The following SPON1 variants were observed in gnomAD, a reference collection of about 807,000 sequenced individuals.
SPON1 encodes spondin 1.
Under a neutral mutation model 111.7 loss-of-function variants are expected in SPON1, and 52 were observed. The observed-to-expected ratio is 0.47, with a 90% CI of 0.37 to 0.59. The LOEUF (loss-of-function observed/expected upper bound fraction) is 0.59. Ranked by LOEUF, SPON1 falls within the 20% of genes least tolerant of loss-of-function variation. The pLI is 0.00. For missense variants in SPON1, 957 were observed against 1,068.5 expected (o/e 0.90, Z 1.46); for synonymous variants, 410 against 395.8 (o/e 1.04, Z -0.43).
At chr11:14,239,392 C>T (rs1354849094) in intron 6 of SPON1, among the ~76,000 whole-genome samples, 1 of 152,184 alleles carries the variant, frequency 6.6e-6, no homozygotes, top group African/African-American at 2.4e-5. Flanking sequence ...TACCCTATTT[C>T]ACAGATGAGA....
chr11:14,159,918 A>G (rs1847890800), intron 6 of SPON1, among the ~76,000 whole-genome samples: 1 of 139,462 alleles, frequency 7.2e-6, no homozygotes, highest in African/African-American at 2.7e-5. Context: ...GGTGGGGGGG[A>G]TGGGGATGGT....
At chr11:14,069,217 G>A (rs1455985909) in intron 3 of SPON1, among the ~76,000 whole-genome samples, 1 of 152,124 alleles carries the variant, frequency 6.6e-6, no homozygotes, top group East Asian at 1.9e-4. Flanking sequence ...TTTCTCATCT[G>A]TAAAATAGGG....
intron 9 of SPON1, among the ~76,000 whole-genome samples, chr11:14,256,322 T>G (rs1459003228): frequency 6.6e-6 from 1 of 152,216 alleles, no homozygotes; most frequent in Admixed American, 6.5e-5. Flanking sequence ...AATGAACAAT[T>G]TGATCCAGGC....
At chr11:14,150,034 G>A (rs1554929749) in intron 6 of SPON1, among the ~76,000 whole-genome samples, 1 of 152,102 alleles carries the variant, frequency 6.6e-6, no homozygotes, top group African/African-American at 2.4e-5. Context: ...GTTTATTGCG[G>A]CATTATTCAC....
intron 5 of SPON1, among the ~76,000 whole-genome samples, chr11:14,088,674 G>A (rs1849026421): frequency 6.6e-6 from 1 of 151,894 alleles, no homozygotes; most frequent in Admixed American, 6.6e-5. Flanking sequence ...TTGAATGTTG[G>A]CCTGTCTTGC....
At chr11:14,120,028 G>A (rs1364377359) in intron 5 of SPON1, among the ~76,000 whole-genome samples, 5 of 152,074 alleles carry the variant, frequency 3.3e-5, no homozygotes, top group Non-Finnish European at 7.4e-5. Flanking sequence ...CCAACTTCTT[G>A]GAAAGTTAAA....
In SPON1 at chr11:14,160,782, T is replaced by A. The variant is rs1461129213; in HGVS notation, c.825+25214T>A. Among the ~76,000 whole-genome samples the A allele has an allele frequency of 3.3e-4, 13 of 38,882 alleles. 2 individuals carry two copies. The highest frequency in any genetic ancestry group is 4.0e-4 in the African/African-American group (4 of 10,100). 25.5% of individuals were successfully genotyped at this position (38,882 alleles called of 152,430 possible). Reference sequence around the variant, plus strand: ...TATATTTATATATTTATATATATTTTTATATATATTTATATATTTTTATAT... The same window carrying A: ...TATATTTATATATTTATATATATTTATATATATATTTATATATTTTTATAT... On this transcript the variant is annotated intron_variant, in intron 6 of 15. Coordinates refer to ENST00000576479, the MANE Select transcript of SPON1 (RefSeq NM_006108.4).
chr11:14,157,234 A>T (rs1177723037), intron 6 of SPON1, among the ~76,000 whole-genome samples: 1 of 152,108 alleles, frequency 6.6e-6, no homozygotes, highest in African/African-American at 2.4e-5. Flanking sequence ...CATTTTTTAG[A>T]ATTTGCAGGC....
At chr11:13,992,169 T>C (rs1307114566) in intron 2 of SPON1, among the ~76,000 whole-genome samples, 1 of 152,182 alleles carries the variant, frequency 6.6e-6, no homozygotes, top group African/African-American at 2.4e-5. Context: ...TAGCTACCCC[T>C]TTCCCCAGGT....
chr11:14,231,385 G>C (rs1398486531), intron 6 of SPON1, among the ~76,000 whole-genome samples: 1 of 149,848 alleles, frequency 6.7e-6, no homozygotes, highest in East Asian at 2.0e-4. Flanking sequence ...CACCTGCCTT[G>C]GCCTCCCAAA....
At chr11:14,132,084 C>T (rs1554927562) in intron 5 of SPON1, among the ~76,000 whole-genome samples, 2 of 152,156 alleles carry the variant, frequency 1.3e-5, no homozygotes, top group Admixed American at 6.5e-5. Flanking sequence ...TGAGACCAGC[C>T]TGGCCAACAT....
At chr11:14,202,846 G>T (rs1161328841) in intron 6 of SPON1, among the ~76,000 whole-genome samples, 1 of 152,168 alleles carries the variant, frequency 6.6e-6, no homozygotes, top group African/African-American at 2.4e-5. Flanking sequence ...ATACATCACC[G>T]ATTACACCGG....
chr11:14,058,341 G>A (rs577360265), intron 3 of SPON1, among the ~76,000 whole-genome samples: 6 of 152,254 alleles, frequency 3.9e-5, no homozygotes, highest in East Asian at 1.9e-4. Flanking sequence ...CTGTGTGACC[G>A]GAGACTCGCA....
chr11:13,979,701 C>T (rs1331831687), intron 1 of SPON1, among the ~76,000 whole-genome samples: 2 of 152,174 alleles, frequency 1.3e-5, no homozygotes, highest in Non-Finnish European at 2.9e-5. Context: ...AACCTGAGGA[C>T]CAGGGACACA....
At chr11:14,221,231 C>T (rs1848677417) in intron 6 of SPON1, among the ~76,000 whole-genome samples, 1 of 152,138 alleles carries the variant, frequency 6.6e-6, no homozygotes, top group Non-Finnish European at 1.5e-5. Context: ...GAGAGAGGGT[C>T]AAGGCTTATT....
At chr11:14,097,495 A>C (rs912229494) in intron 5 of SPON1, among the ~76,000 whole-genome samples, 1 of 152,184 alleles carries the variant, frequency 6.6e-6, no homozygotes, top group African/African-American at 2.4e-5. Flanking sequence ...TACGTTTTCT[A>C]TCAGGTTATA....
intron 2 of SPON1, among the ~76,000 whole-genome samples, chr11:14,008,844 C>A (rs1848383528): frequency 6.6e-6 from 1 of 152,162 alleles, no homozygotes; most frequent in African/African-American, 2.4e-5. Flanking sequence ...AATTTTCCTT[C>A]TTAAAAGAAC....
chr11:14,144,067 G>A (rs1165500964), intron 6 of SPON1, among the ~76,000 whole-genome samples: 1 of 152,022 alleles, frequency 6.6e-6, no homozygotes, highest in African/African-American at 2.4e-5. Context: ...TTTTACATTT[G>A]AAAAACAATA....
At chr11:14,113,571 T>A (rs1554925653) in intron 5 of SPON1, among the ~76,000 whole-genome samples, 25 of 3,418 alleles carry the variant, frequency 7.3e-3, no homozygotes, top group Non-Finnish European at 0.011. Flanking sequence ...TTTTTAAATT[T>A]TTTTTTTTTT....
Sources: allele counts gnomAD v4.1 joint callset (sites outside exome capture counted in the v4.1 genomes callset), GRCh38; gene constraint gnomAD v4.1.1; transcripts MANE v1.5; gene names NCBI Gene and HGNC (gene_info 2026-07-23, HGNC 2026-07-21).